SLC35F1: variants seen among roughly 807,000 people sequenced by gnomAD.
SLC35F1 encodes the protein solute carrier family 35 member F1.
Under a neutral mutation model 48.7 loss-of-function variants are expected in SLC35F1, and 14 were observed. That is an observed-to-expected ratio of 0.29 (90% confidence interval 0.19 to 0.45). The LOEUF is 0.45. SLC35F1 is among the 20% of genes least tolerant of loss of function. The pLI is 1.00. For synonymous variants in SLC35F1, 190 were observed against 202.2 expected (o/e 0.94, Z 0.51); for missense variants, 404 against 500.0 (o/e 0.81, Z 1.83).
At chr6:118,167,098 C>T (rs935025266) in intron 2 of SLC35F1, among the ~76,000 whole-genome samples, 2 of 152,048 alleles carry the variant, frequency 1.3e-5, no homozygotes, top group South Asian at 2.1e-4. Context: ...GGGCTTTCTT[C>T]GTCTGTCAGT....
At chr6:118,048,371 T>G (rs1380050915) in intron 1 of SLC35F1, among the ~76,000 whole-genome samples, 1 of 152,104 alleles carries the variant, frequency 6.6e-6, no homozygotes, top group Non-Finnish European at 1.5e-5. Flanking sequence ...TGCCAGGCTT[T>G]GGTATCAGGA....
chr6:117,916,558 A>AAGT (rs1775828412), intron 1 of SLC35F1, among the ~76,000 whole-genome samples: 1 of 152,192 alleles, frequency 6.6e-6, no homozygotes, highest in African/African-American at 2.4e-5. Context: ...TAAGGCTGAC[A>AAGT]ATAGCTACAA....
Position 118,049,059 on chromosome 6 carries a change from G to A in SLC35F1, c.174-105386G>A, listed in dbSNP as rs541893218. ...GAACAGAGCCCTCAGAAATAATGCC[G>A]CATATCTACAACCATCTGATCTTTG... On this transcript the variant is annotated intron_variant, in intron 1 of 7. Coordinates refer to ENST00000360388, the MANE Select transcript of SLC35F1 (RefSeq NM_001029858.4). Among the ~76,000 whole-genome samples the A allele has an allele frequency of 4.9e-4, 74 of 151,920 alleles. No homozygotes were observed. The Middle Eastern group carries it at 0.01, about 21-fold the overall frequency.
chr6:118,202,526 G>A (rs971848995), intron 2 of SLC35F1, among the ~76,000 whole-genome samples: 2 of 152,142 alleles, frequency 1.3e-5, no homozygotes, highest in Non-Finnish European at 2.9e-5. Context: ...TGGCTGCACT[G>A]TTTTGCATTA....
At chr6:117,953,437 G>T (rs541796204) in intron 1 of SLC35F1, among the ~76,000 whole-genome samples, 1 of 152,062 alleles carries the variant, frequency 6.6e-6, no homozygotes, top group Admixed American at 6.5e-5. Context: ...ATACATAAGA[G>T]ACATGTTTGT....
At chr6:118,186,453 T>G (rs1427152729) in intron 2 of SLC35F1, among the ~76,000 whole-genome samples, 2 of 152,068 alleles carry the variant, frequency 1.3e-5, no homozygotes, top group Admixed American at 1.3e-4. Context: ...CTTTATTTTA[T>G]GCATTGCCAT....
chr6:118,096,309 C>G (rs58818528), intron 1 of SLC35F1, among the ~76,000 whole-genome samples: 4,428 of 152,212 alleles, frequency 0.029, 157 homozygotes, highest in African/African-American at 0.076. Flanking sequence ...TACCTGATAG[C>G]TGAATTCCCA....
At chr6:117,960,408 T>A (rs1038995715) in intron 1 of SLC35F1, among the ~76,000 whole-genome samples, 15 of 151,906 alleles carry the variant, frequency 9.9e-5, no homozygotes, top group Non-Finnish European at 1.6e-4. Flanking sequence ...GACAAGGCAG[T>A]TTACAGACTA....
At chr6:117,908,509 C>A (rs1037403926) in intron 1 of SLC35F1, among the ~76,000 whole-genome samples, 1 of 152,206 alleles carries the variant, frequency 6.6e-6, no homozygotes, top group South Asian at 2.1e-4. Flanking sequence ...GGAACAGACC[C>A]AGCAAAGTGC....
intron 7 of SLC35F1, among the ~76,000 whole-genome samples, chr6:118,287,591 A>G (rs1776066345): frequency 1.3e-5 from 2 of 152,180 alleles, no homozygotes; most frequent in East Asian, 1.9e-4. Flanking sequence ...CACAGAGTCA[A>G]TATCTGGAGA....
At chr6:118,220,746 T>C (rs1207299480) in intron 2 of SLC35F1, among the ~76,000 whole-genome samples, 2 of 152,192 alleles carry the variant, frequency 1.3e-5, no homozygotes, top group African/African-American at 4.8e-5. Flanking sequence ...TGGGGGAGAA[T>C]GGCAGAAATC....
At chr6:118,092,858 G>A (rs9387556) in intron 1 of SLC35F1, among the ~76,000 whole-genome samples, 149,395 of 152,304 alleles carry the variant, frequency 0.98, 73,352 homozygotes, top group Middle Eastern at 1. Flanking sequence ...CAATCCCTGT[G>A]CCCCCATTGT....
chr6:118,299,109 G>A (rs1486457176), intron 7 of SLC35F1, among the ~76,000 whole-genome samples: 1 of 152,116 alleles, frequency 6.6e-6, no homozygotes, highest in Non-Finnish European at 1.5e-5. Context: ...ACAGCCTGGG[G>A]GGTCGAGGCT....
intron 6 of SLC35F1, among the ~76,000 whole-genome samples, chr6:118,280,869 CA>C (rs1554244230): frequency 5.0e-4 from 62 of 125,160 alleles, no homozygotes; most frequent in Middle Eastern, 8.3e-3. Flanking sequence ...GAGTCTGTCC[CA>C]AAAAAAAAAA....
intron 7 of SLC35F1, among the ~76,000 whole-genome samples, chr6:118,289,201 A>G (rs1776087232): frequency 6.6e-6 from 1 of 152,222 alleles, no homozygotes; most frequent in Admixed American, 6.5e-5. Flanking sequence ...ATCATTCAGA[A>G]GTTGTCCATG....
intron 1 of SLC35F1, among the ~76,000 whole-genome samples, chr6:118,075,374 A>G (rs1772803741): frequency 6.6e-6 from 1 of 152,242 alleles, no homozygotes; most frequent in African/African-American, 2.4e-5. Context: ...CAAACCTGTT[A>G]TGAATTTTAT....
chr6:118,286,024 C>G (rs978734487), intron 7 of SLC35F1, among the ~76,000 whole-genome samples: 1 of 152,176 alleles, frequency 6.6e-6, no homozygotes, highest in African/African-American at 2.4e-5. Context: ...TCCTACTCCT[C>G]TTAACACCAC....
chr6:117,932,066 A>G (rs536540047), intron 1 of SLC35F1, among the ~76,000 whole-genome samples: 1 of 152,272 alleles, frequency 6.6e-6, no homozygotes, highest in South Asian at 2.1e-4. Flanking sequence ...GAGGTTTCAG[A>G]GAGCTGCTTG....
chr6:118,106,561 A>G (rs1466942519), intron 1 of SLC35F1, among the ~76,000 whole-genome samples: 1 of 152,208 alleles, frequency 6.6e-6, no homozygotes, highest in Non-Finnish European at 1.5e-5. Context: ...GTGTACTACA[A>G]GGTAGCTATC....
Sources: allele counts gnomAD v4.1 joint callset (sites outside exome capture counted in the v4.1 genomes callset), GRCh38; gene constraint gnomAD v4.1.1; transcripts MANE v1.5; gene names NCBI Gene and HGNC (gene_info 2026-07-23, HGNC 2026-07-21).